Variants in CCDC6 observed in about 807,000 individuals in gnomAD.
The protein encoded by CCDC6 is coiled-coil domain-containing protein 6.
A neutral mutation model predicts 56.6 loss-of-function variants in CCDC6; 20 were observed. The observed-to-expected ratio is 0.35, with a 90% CI of 0.25 to 0.51. The LOEUF (loss-of-function observed/expected upper bound fraction) is 0.51, where lower values mean the gene tolerates loss of function less well. Among genes scored for constraint, CCDC6 ranks in the 20% least tolerant of loss-of-function variants. The probability of loss-of-function intolerance (pLI) is 0.95; values close to 1 mark genes in which losing one functional copy is unlikely to be tolerated. For synonymous variants in CCDC6, 241 were observed against 234.4 expected, an observed-to-expected ratio of 1.03 and a Z score of -0.26; for missense variants, 367 against 601.1, an observed-to-expected ratio of 0.61 and a Z score of 4.07.
chr10:59,869,450 AAAAC>A lies in CCDC6; in HGVS notation c.304-16752_304-16749del, dbSNP rs1482185125. 2.1e-3 allele frequency among the ~76,000 whole-genome samples: 321 copies of A among 151,478 alleles called. 1 individual carries two copies. Among genetic ancestry groups the A allele is most frequent in the Non-Finnish European group, 3.7e-3 (253 of 67,824 alleles). Reference sequence around the variant, plus strand: ...AAAAGAAAAAAAAAAAACAGAAACAAAAACAAACAAACAAAAAAACCAGCAAGAA... The same window carrying A: ...AAAAGAAAAAAAAAAAACAGAAACAAAAACAAACAAAAAAACCAGCAAGAA... On this transcript the variant is annotated intron_variant, in intron 1 of 8. Transcript: ENST00000263102.
chr10:59,840,264 CT>C (rs2070926148), intron 2 of CCDC6, among the ~76,000 whole-genome samples: 2 of 152,188 alleles, frequency 1.3e-5, no homozygotes. Flanking sequence ...TAATTAGGTA[CT>C]ACCAAATTGT....
In CCDC6 at chr10:59,789,935, C is replaced by A; in HGVS notation, c.*2982G>T. The A allele has an allele frequency of 4.6e-6, 1 of 217,752 alleles. No homozygotes were observed. The highest frequency in any genetic ancestry group is 9.3e-6 in the Non-Finnish European group (1 of 107,998). 13.5% of individuals were successfully genotyped at this position (217,752 alleles called of 1,614,324 possible). On this transcript the variant is annotated 3_prime_UTR_variant, in exon 9 of 9. Transcript: ENST00000263102. ...AGCCAATTACAAAGGGACAGTAGCA[C>A]TTGGTGTCAAAGCCACTTTCTGGTC... is the stretch of plus-strand genomic sequence containing the variant.
At chr10:59,854,622 C>T (rs773482392) in intron 1 of CCDC6, among the ~76,000 whole-genome samples, 1 of 152,202 alleles carries the variant, frequency 6.6e-6, no homozygotes, top group Non-Finnish European at 1.5e-5. Context: ...CAATGTCTTA[C>T]TCTTTCCACT....
rs116837378 is a variant in CCDC6 at position 59,887,743 on chromosome 10, G to A, written c.303+18379C>T. ...CAATTTTTGTTGCTGGGTCAAATGC[G>A]ACATTGGAATTTCCTAGAAATTTTG... On this transcript the variant is annotated intron_variant, in intron 1 of 8. Transcript: ENST00000263102. Among the ~76,000 whole-genome samples, 356 of 152,200 alleles carry A rather than the reference G, an allele frequency of 2.3e-3. 2 individuals carry two copies. Among genetic ancestry groups the A allele is most frequent in the African/African-American group, 8.3e-3 (343 of 41,522 alleles).
intron 6 of CCDC6, 47 bp downstream of exon 6, chr10:59,806,875 G>A (rs745766466): frequency 1.9e-6 from 3 of 1,581,262 alleles, no homozygotes; most frequent in Non-Finnish European, 2.6e-6. Context: ...GTAGAACCTG[G>A]GTTTTATTTT....
chr10:59,797,588 C>CAAAAAAAA (rs10561094), intron 7 of CCDC6, among the ~76,000 whole-genome samples: 61 of 31,598 alleles, frequency 1.9e-3, no homozygotes, highest in African/African-American at 2.8e-3. Flanking sequence ...AACCTCCTAG[C>CAAAAAAAA]AAAAAAAAAA....
intron 1 of CCDC6, among the ~76,000 whole-genome samples, chr10:59,852,925 A>C (rs979960006): frequency 6.6e-6 from 1 of 152,184 alleles, no homozygotes; most frequent in Non-Finnish European, 1.5e-5. Context: ...CCCCTTTACT[A>C]TGTGTGGTCC....
chr10:59,899,993 G>A (rs1358565462), intron 1 of CCDC6, among the ~76,000 whole-genome samples: 1 of 152,196 alleles, frequency 6.6e-6, no homozygotes, highest in East Asian at 1.9e-4. Context: ...GCTCTATGAA[G>A]ACAAGGTCCC....
intron 1 of CCDC6, among the ~76,000 whole-genome samples, chr10:59,865,852 C>CAAAAAAA (rs777021321): frequency 0.019 from 1,097 of 57,002 alleles, 102 homozygotes; most frequent in African/African-American, 0.064. Context: ...TCCATCTCCA[C>CAAAAAAA]AAAAAAAAAA....
intron 1 of CCDC6, among the ~76,000 whole-genome samples, chr10:59,904,147 C>T (rs1286325699): frequency 6.6e-6 from 1 of 151,694 alleles, no homozygotes; most frequent in Non-Finnish European, 1.5e-5. Context: ...TACTCATTAA[C>T]ACCACACGAC....
chr10:59,826,026 G>T (rs2070785358), intron 3 of CCDC6, among the ~76,000 whole-genome samples: 2 of 152,140 alleles, frequency 1.3e-5, no homozygotes, highest in African/African-American at 4.8e-5. Flanking sequence ...GGAAGCTGGG[G>T]TCCCATCAAG....
At chr10:59,844,694 G>A (rs1198005784) in intron 2 of CCDC6, among the ~76,000 whole-genome samples, 3 of 150,008 alleles carry the variant, frequency 2.0e-5, no homozygotes, top group Admixed American at 1.3e-4. Flanking sequence ...CCCAAGAGAC[G>A]GAGGTTGCAG....
chr10:59,791,684 A>G lies in CCDC6; in HGVS notation c.*1233T>C, dbSNP rs903434207. On this transcript the variant is annotated 3_prime_UTR_variant, in exon 9 of 9. Coordinates refer to ENST00000263102, the MANE Select transcript of CCDC6 (RefSeq NM_005436.5). ...AAAAATCACTTTACTACCAAAGTAC[A>G]AAACAGCAACTGCTGAAAAACAAAA... The G allele has an allele frequency of 5.2e-5, 11 of 211,714 alleles. No individual in the cohort carries two copies. The highest frequency in any genetic ancestry group is 1.8e-4 in the Admixed American group (3 of 16,990). The allele number at this position is 211,714 out of a possible 1,614,324, so 13.1% of individuals were successfully genotyped here.
In CCDC6 at chr10:59,906,527, G is replaced by A. The variant is rs1037065724; in HGVS notation, c.-103C>T. On this transcript the variant is annotated 5_prime_UTR_variant, in exon 1 of 9. Transcript: ENST00000263102. Reference sequence around the variant, plus strand: ...CGCCGGGCGAGCACAGGGGAGCGCCGAGCTGAGCGCCTGGCACCAGGGCGC... The same window carrying A: ...CGCCGGGCGAGCACAGGGGAGCGCCAAGCTGAGCGCCTGGCACCAGGGCGC... 12 of 1,035,930 alleles carry A rather than the reference G, an allele frequency of 1.2e-5. No homozygotes were observed. The East Asian group carries it at 2.2e-4, about 19-fold the overall frequency. The allele number at this position is 1,035,930 out of a possible 1,614,324, so 64.2% of individuals were successfully genotyped here.
intron 1 of CCDC6, among the ~76,000 whole-genome samples, chr10:59,892,022 G>A (rs993836816): frequency 2.6e-5 from 4 of 152,194 alleles, no homozygotes; most frequent in African/African-American, 9.7e-5. Context: ...ACCAGGGGTT[G>A]TCCTTCCATC....
intron 7 of CCDC6, among the ~76,000 whole-genome samples, chr10:59,796,879 G>A (rs1282498981): frequency 1.3e-5 from 2 of 151,568 alleles, no homozygotes; most frequent in Non-Finnish European, 2.9e-5. Flanking sequence ...TCTGAGGCAG[G>A]AGAATGGCAT....
At chr10:59,808,160 A>G (rs925843261) in intron 5 of CCDC6, among the ~76,000 whole-genome samples, 5 of 152,204 alleles carry the variant, frequency 3.3e-5, no homozygotes, top group Non-Finnish European at 7.4e-5. Flanking sequence ...TCTCTGCTAC[A>G]GCACCCATCT....
At chr10:59,812,879 T>A in intron 4 of CCDC6, 84 bp from the exon 5 acceptor site, 2 of 1,015,032 alleles carry the variant, frequency 2.0e-6, no homozygotes, top group Non-Finnish European at 1.5e-6. Context: ...AGGTTTGTTT[T>A]AAAAGCAAAC....
In CCDC6 at chr10:59,791,430, A is replaced by G; in HGVS notation, c.*1487T>C. 5.1e-6 allele frequency: 1 copy of G among 196,684 alleles called. No homozygotes were observed. The highest frequency in any genetic ancestry group is 1.1e-5 in the Non-Finnish European group (1 of 94,538). 12.2% of individuals were successfully genotyped at this position (196,684 alleles called of 1,614,324 possible). On this transcript the variant is annotated 3_prime_UTR_variant, in exon 9 of 9. Coordinates refer to ENST00000263102, the MANE Select transcript of CCDC6 (RefSeq NM_005436.5). ...AAAAATGGAGGTTTCTATACTGTAC[A>G]ATATTAAATATCTACAATGTCATGG...
Sources: gnomAD v4.1 joint callset for allele counts (sites outside exome capture counted in the v4.1 genomes callset) on GRCh38, gnomAD v4.1.1 for gene constraint, MANE v1.5 for transcripts, NCBI Gene and HGNC (gene_info 2026-07-23, HGNC 2026-07-21) for gene names.